The following PDE4B variants were observed in gnomAD, a reference collection of about 807,000 sequenced individuals.
The protein encoded by PDE4B is phosphodiesterase 4B, also known as 3',5'-cyclic-AMP phosphodiesterase 4B.
PDE4B carries 20 observed loss-of-function variants against 82.2 expected under a neutral mutation model. The observed-to-expected ratio is 0.24, with a 90% confidence interval of 0.17 to 0.35. The LOEUF is 0.35. Among genes scored for constraint, PDE4B ranks in the 10% least tolerant of loss-of-function variants. PDE4B has a pLI of 1.00. For synonymous variants in PDE4B, 320 were observed against 318.9 expected, an observed-to-expected ratio of 1.00 and a Z score of -0.04; for missense variants, 655 against 907.2, an observed-to-expected ratio of 0.72 and a Z score of 3.57.
intron 2 of PDE4B, among the ~76,000 whole-genome samples, chr1:65,915,846 T>C: frequency 6.6e-6 from 1 of 152,214 alleles, no homozygotes; most frequent in African/African-American, 2.4e-5. Flanking sequence ...ACTACGTTGT[T>C]TCCTTAGGGA....
intron 3 of PDE4B, among the ~76,000 whole-genome samples, chr1:66,162,469 G>A (rs1646636972): frequency 6.6e-6 from 1 of 151,988 alleles, no homozygotes; most frequent in African/African-American, 2.4e-5. Flanking sequence ...GTGAGAGAGT[G>A]CATCAGATCT....
intron 1 of PDE4B, among the ~76,000 whole-genome samples, chr1:65,876,644 G>A (rs564831126): frequency 6.6e-6 from 1 of 151,954 alleles, no homozygotes; most frequent in African/African-American, 2.4e-5. Flanking sequence ...AACAGCTGTT[G>A]ATTAATAAAT....
chr1:66,368,321 G>A (rs896034301), intron 15 of PDE4B, among the ~76,000 whole-genome samples: 2 of 152,144 alleles, frequency 1.3e-5, no homozygotes, highest in Non-Finnish European at 2.9e-5. Flanking sequence ...TTGTAATAGG[G>A]CATACGTGAC....
At chr1:66,191,849 C>T (rs944100855) in intron 3 of PDE4B, among the ~76,000 whole-genome samples, 15 of 152,120 alleles carry the variant, frequency 9.9e-5, no homozygotes, top group African/African-American at 3.6e-4. Flanking sequence ...GAATGAGAAC[C>T]AAGCAAAAGG....
intron 8 of PDE4B, among the ~76,000 whole-genome samples, chr1:66,347,785 A>G (rs950373630): frequency 7.2e-5 from 11 of 152,216 alleles, no homozygotes; most frequent in Admixed American, 7.2e-4. Context: ...AATCTCAAAA[A>G]CAAGCTATGA....
At chr1:66,311,270 C>A (rs899059674) in intron 7 of PDE4B, among the ~76,000 whole-genome samples, 1 of 152,140 alleles carries the variant, frequency 6.6e-6, no homozygotes, top group Non-Finnish European at 1.5e-5. Flanking sequence ...TCTTTATCAG[C>A]GAAACAGGTT....
At position 66,139,757 on chromosome 1, in the gene PDE4B, A is replaced by C. The variant is rs867375206; in HGVS notation, c.282-107703A>C. Among the ~76,000 whole-genome samples, 547 of 151,646 alleles carry C rather than the reference A, an allele frequency of 3.6e-3. 1 individual carries two copies. The highest frequency in any genetic ancestry group is 0.012 in the African/African-American group (500 of 41,144). On this transcript the variant is annotated intron_variant, in intron 3 of 16. Coordinates refer to ENST00000341517, the MANE Select transcript of PDE4B (RefSeq NM_002600.4). ...CCTCAAAAAAAAAAAAAAAAACAAA[A>C]AACAACAACCAATGGGCCAAACATA...
At chr1:65,875,967 GAA>G (rs977043983) in intron 1 of PDE4B, among the ~76,000 whole-genome samples, 1 of 149,486 alleles carries the variant, frequency 6.7e-6, no homozygotes, top group Admixed American at 6.7e-5. Context: ...AAAAAATGGG[GAA>G]AAAAAAAGAA....
chr1:66,135,737 A>G (rs749964929), intron 3 of PDE4B, among the ~76,000 whole-genome samples: 3 of 152,212 alleles, frequency 2.0e-5, no homozygotes, highest in Non-Finnish European at 2.9e-5. Context: ...CGTATACTTA[A>G]TAAGTACAGC....
At chr1:65,962,958 T>A (rs1027169552) in intron 3 of PDE4B, among the ~76,000 whole-genome samples, 5 of 152,034 alleles carry the variant, frequency 3.3e-5, no homozygotes, top group Non-Finnish European at 5.9e-5. Flanking sequence ...AACAACTGGG[T>A]CCCCAGGAAA....
At chr1:66,058,492 C>T (rs951013734) in intron 3 of PDE4B, among the ~76,000 whole-genome samples, 2 of 152,236 alleles carry the variant, frequency 1.3e-5, no homozygotes, top group Non-Finnish European at 2.9e-5. Context: ...AGAGGTTCTC[C>T]ATGAGGGCCC....
intron 3 of PDE4B, among the ~76,000 whole-genome samples, chr1:66,018,969 T>C (rs2503209): frequency 0.87 from 132,914 of 152,164 alleles, 58,770 homozygotes; most frequent in Non-Finnish European, 0.94. Flanking sequence ...TGAAATACCT[T>C]ATATCTTACT....
intron 7 of PDE4B, among the ~76,000 whole-genome samples, chr1:66,321,529 C>T (rs1659402129): frequency 6.6e-6 from 1 of 152,084 alleles, no homozygotes; most frequent in Admixed American, 6.6e-5. Context: ...TCTCACAGTT[C>T]TGGAAGCTGG....
At chr1:65,876,981 A>C (rs2100325911) in intron 1 of PDE4B, among the ~76,000 whole-genome samples, 1 of 152,304 alleles carries the variant, frequency 6.6e-6, no homozygotes, top group African/African-American at 2.4e-5. Context: ...TACTGCCCAA[A>C]GTAATTTATA....
rs1646127467 is a variant in PDE4B, at chr1:65,835,255, C to G, written c.-71+42007C>G. Reference sequence around the variant, plus strand: ...GCAGTACATAGGAAATGGCATCTAACACTCTTCAGTTTGTGTATAGAAATC... The same window carrying G: ...GCAGTACATAGGAAATGGCATCTAAGACTCTTCAGTTTGTGTATAGAAATC... On this transcript the variant is annotated intron_variant, in intron 1 of 16. Coordinates refer to ENST00000341517, the MANE Select transcript of PDE4B (RefSeq NM_002600.4). 1.3e-5 allele frequency among the ~76,000 whole-genome samples: 2 copies of G among 151,754 alleles called. 1 individual carries two copies. Among genetic ancestry groups the G allele is most frequent in the Non-Finnish European group, 2.9e-5 (2 of 68,016 alleles).
chr1:66,313,606 TCTC>T (rs1479256775), intron 7 of PDE4B, among the ~76,000 whole-genome samples: 1 of 152,116 alleles, frequency 6.6e-6, no homozygotes, highest in Non-Finnish European at 1.5e-5. Flanking sequence ...TGAGGAGAAA[TCTC>T]CTGCATTAAG....
chr1:66,311,135 G>A (rs1440150387), intron 7 of PDE4B, among the ~76,000 whole-genome samples: 1 of 152,156 alleles, frequency 6.6e-6, no homozygotes, highest in Non-Finnish European at 1.5e-5. Flanking sequence ...GAAGAAGGGA[G>A]GACCAGTTAT....
intron 4 of PDE4B, among the ~76,000 whole-genome samples, chr1:66,251,338 A>G (rs1653757791): frequency 6.6e-6 from 1 of 152,242 alleles, no homozygotes; most frequent in African/African-American, 2.4e-5. Flanking sequence ...GAACAAGACG[A>G]ACCCAAGAAG....
At chr1:66,175,192 A>G (rs994870520) in intron 3 of PDE4B, among the ~76,000 whole-genome samples, 1 of 152,210 alleles carries the variant, frequency 6.6e-6, no homozygotes, top group Non-Finnish European at 1.5e-5. Flanking sequence ...AGATGTGTAA[A>G]CATTTCCAGA....
Sources: gnomAD v4.1 joint callset for allele counts (sites outside exome capture counted in the v4.1 genomes callset) on GRCh38, gnomAD v4.1.1 for gene constraint, MANE v1.5 for transcripts, NCBI Gene and HGNC (gene_info 2026-07-23, HGNC 2026-07-21) for gene names.